The following RAD54L2 variants were observed in gnomAD, a reference collection of about 807,000 sequenced individuals.
RAD54L2 encodes RAD54 like 2.
Under a neutral mutation model 138.4 loss-of-function variants are expected in RAD54L2, and 27 were observed. That is an observed-to-expected ratio of 0.20 (90% CI 0.14 to 0.27). RAD54L2 has a LOEUF of 0.27. Ranked by LOEUF, RAD54L2 falls within the 10% of genes least tolerant of loss-of-function variation. The probability of loss-of-function intolerance (pLI) is 1.00; values close to 1 mark genes in which losing one functional copy is unlikely to be tolerated. For synonymous variants in RAD54L2, 644 were observed against 723.2 expected (o/e 0.89, Z 1.76); for missense variants, 1,396 against 1,890.2 (o/e 0.74, Z 4.85).
chr3:51,581,288 G>A (rs1209466899), intron 2 of RAD54L2, among the ~76,000 whole-genome samples: 1 of 152,092 alleles, frequency 6.6e-6, no homozygotes, highest in Non-Finnish European at 1.5e-5. Flanking sequence ...AGTAGAAACG[G>A]GGTTTCACTG....
intron 2 of RAD54L2, among the ~76,000 whole-genome samples, chr3:51,589,479 C>T (rs1157878279): frequency 1.3e-5 from 2 of 152,134 alleles, no homozygotes; most frequent in Non-Finnish European, 2.9e-5. Flanking sequence ...CAGAAAACTG[C>T]ACACTTCATG....
At chr3:51,598,107 A>ATG (rs1239590093) in intron 3 of RAD54L2, among the ~76,000 whole-genome samples, 3 of 149,810 alleles carry the variant, frequency 2.0e-5, no homozygotes, top group Non-Finnish European at 3.0e-5. Context: ...ATATATATAT[A>ATG]TATGTGTGTG....
chr3:51,600,479 G>A (rs924549062), intron 3 of RAD54L2, among the ~76,000 whole-genome samples: 3 of 152,050 alleles, frequency 2.0e-5, no homozygotes, highest in South Asian at 2.1e-4. Flanking sequence ...TCCAGGCATG[G>A]TGTACAGCTG....
Position 51,637,583 on chromosome 3 carries a change from A to T in RAD54L2, c.1682+80A>T. 4 of 1,403,656 alleles carry T rather than the reference A, an allele frequency of 2.8e-6. No individual in the cohort carries two copies. The highest frequency in any genetic ancestry group is 3.8e-6 in the Non-Finnish European group (4 of 1,039,174). The allele number at this position is 1,403,656 out of a possible 1,614,324, so 87.0% of individuals were successfully genotyped here. Reference sequence around the variant, plus strand: ...GGGCATGCCAAACCTGTTATACAGGATAGGGTGTTGGAGTAGGAGGGCCCC... The same window carrying T: ...GGGCATGCCAAACCTGTTATACAGGTTAGGGTGTTGGAGTAGGAGGGCCCC... On this transcript the variant is annotated intron_variant, in intron 11 of 22. Transcript: ENST00000684192. This position sits in a 1 kb window ranked among gnomAD's most constrained non-coding sequence, Gnocchi z 5.9.
chr3:51,635,799 C>A lies in RAD54L2; in HGVS notation c.1339+10C>A. The A allele has an allele frequency of 1.2e-6, 2 of 1,600,700 alleles. No individual in the cohort carries two copies. The highest frequency in any genetic ancestry group is 1.1e-5 in the South Asian group (1 of 88,676). On this transcript the variant is annotated intron_variant, in intron 10 of 22. Coordinates refer to ENST00000684192, the MANE Select transcript of RAD54L2 (RefSeq NM_015106.4). ...CAGGAGTTTCGGAGAGGTGGGCAGCCTATCCCAGGAATACTCTTGTTGGTG... is the reference window on the plus strand; with the variant it reads ...CAGGAGTTTCGGAGAGGTGGGCAGCATATCCCAGGAATACTCTTGTTGGTG...
chr3:51,572,897 C>G (rs1699370981), intron 2 of RAD54L2, among the ~76,000 whole-genome samples: 1 of 151,836 alleles, frequency 6.6e-6, no homozygotes, highest in Non-Finnish European at 1.5e-5. Flanking sequence ...CTCAGCCTCC[C>G]AAAGTGCTGG....
At position 51,629,437 on chromosome 3, in the gene RAD54L2, G is replaced by A. The variant is rs370856983; in HGVS notation, c.445G>A (p.Ala149Thr). 215 of 1,612,388 alleles carry A rather than the reference G, an allele frequency of 1.3e-4. No homozygotes were observed. Among genetic ancestry groups the A allele is most frequent in the Non-Finnish European group, 1.8e-4 (211 of 1,179,360 alleles). ...GGAGCAGCAGAGGAAAGATTATGCAGCCCCTATTCCTACTGTTCCGCTGGA... is the reference window on the plus strand; with the variant it reads ...GGAGCAGCAGAGGAAAGATTATGCAACCCCTATTCCTACTGTTCCGCTGGA... ...RLEQQRKDYAAPIPTVPLEFL... is the reference protein window; with the variant it reads ...RLEQQRKDYATPIPTVPLEFL... Residue 149 changes from alanine to threonine, a missense_variant, in exon 5 of 23, where the codon GCC becomes ACC. Physicochemically the swap from Ala to Thr is moderately conservative, Grantham distance 58. Transcript: ENST00000684192.
At chr3:51,594,049 CTTTCTTTTTTCTT>C (rs1699899739) in intron 3 of RAD54L2, among the ~76,000 whole-genome samples, 1 of 133,408 alleles carries the variant, frequency 7.5e-6, no homozygotes, top group African/African-American at 2.8e-5. Context: ...ACTTAATTGT[CTTTCTTTTTTCTT>C]TTTCTTTTTT....
chr3:51,561,997 T>C (rs1033660854), intron 2 of RAD54L2, among the ~76,000 whole-genome samples: 7 of 151,858 alleles, frequency 4.6e-5, no homozygotes, highest in Non-Finnish European at 1.0e-4. Context: ...GCCTCCCAAG[T>C]AACTGGGACT....
intron 3 of RAD54L2, among the ~76,000 whole-genome samples, chr3:51,590,984 G>C (rs938353420): frequency 1.3e-5 from 2 of 152,186 alleles, no homozygotes; most frequent in Non-Finnish European, 2.9e-5. Context: ...GTGCTTGTGT[G>C]TACATGAGGG....
intron 2 of RAD54L2, among the ~76,000 whole-genome samples, chr3:51,577,314 A>G (rs901319567): frequency 2.6e-5 from 4 of 152,198 alleles, no homozygotes; most frequent in Admixed American, 1.3e-4. Context: ...AGAAGAATGT[A>G]TATTCTATTG....
chr3:51,629,255 C>T, intron 4 of RAD54L2, 79 bp from the exon 5 acceptor site: 1 of 1,447,030 alleles, frequency 6.9e-7, no homozygotes, highest in South Asian at 1.3e-5. Context: ...TCATCAATGG[C>T]TATTTCTCTC....
chr3:51,590,613 A>T, intron 3 of RAD54L2, 54 bp downstream of exon 3: 1 of 1,552,150 alleles, frequency 6.4e-7, no homozygotes, highest in Non-Finnish European at 8.7e-7. Context: ...CTCCAGTGGA[A>T]TTTTTGCTGG....
chr3:51,660,239 C>A, intron 22 of RAD54L2, 121 bp downstream of exon 22: 2 of 671,916 alleles, frequency 3.0e-6, no homozygotes, highest in Non-Finnish European at 4.9e-6. Context: ...TCAGAGTGTA[C>A]AGAAAGAGGT....
intron 2 of RAD54L2, among the ~76,000 whole-genome samples, chr3:51,577,442 G>A (rs994638981): frequency 6.6e-6 from 1 of 152,110 alleles, no homozygotes; most frequent in Non-Finnish European, 1.5e-5. Flanking sequence ...GTTGACAGTG[G>A]GGTGTTAAAA....
intron 19 of RAD54L2, among the ~76,000 whole-genome samples, chr3:51,654,731 C>A (rs1471467432): frequency 1.3e-5 from 2 of 152,210 alleles, no homozygotes; most frequent in East Asian, 3.9e-4. Flanking sequence ...GAAGATGTGA[C>A]AAATGGTCCA....
chr3:51,592,054 GTTTTTTTTTTTTTT>G (rs71084151), intron 3 of RAD54L2, among the ~76,000 whole-genome samples: 3 of 66,824 alleles, frequency 4.5e-5, no homozygotes, highest in Non-Finnish European at 7.7e-5. Flanking sequence ...TGGTTTTGGT[GTTTTTTTTTTTTTT>G]TTTTTTTTTT....
chr3:51,590,372 C>T lies in RAD54L2; in HGVS notation c.-49C>T, dbSNP rs1254902649. 1 of 1,478,990 alleles carries T rather than the reference C, an allele frequency of 6.8e-7. No homozygotes were observed. Among genetic ancestry groups the T allele is most frequent in the Non-Finnish European group, 9.0e-7 (1 of 1,110,570 alleles). 91.6% of individuals were successfully genotyped at this position (1,478,990 alleles called of 1,614,324 possible). On this transcript the variant is annotated 5_prime_UTR_variant, in exon 3 of 23. Coordinates refer to ENST00000684192, the MANE Select transcript of RAD54L2 (RefSeq NM_015106.4). The stretch of plus-strand genomic sequence containing the variant: ...TGCCTTTCATCCTCTCCTAGCACCC[C>T]TGCAGTGGACCATGAGTCGGTAATG...
intron 19 of RAD54L2, among the ~76,000 whole-genome samples, chr3:51,648,870 T>C (rs1341610922): frequency 6.6e-6 from 1 of 151,668 alleles, no homozygotes; most frequent in Non-Finnish European, 1.5e-5. Flanking sequence ...AAGCTGAAAA[T>C]TCTAAAAACC....
Sources: gnomAD v4.1 joint callset for allele counts (sites outside exome capture counted in the v4.1 genomes callset) on GRCh38, gnomAD v4.1.1 for gene constraint, Gnocchi (gnomAD v3.1) non-coding constraint, MANE v1.5 for transcripts, NCBI Gene and HGNC (gene_info 2026-07-23, HGNC 2026-07-21) for gene names.